The following CDH18 variants were observed in gnomAD, a reference collection of about 807,000 sequenced individuals.
The protein encoded by CDH18 is cadherin-18.
A neutral mutation model predicts 67.9 loss-of-function variants in CDH18; 31 were observed. The observed-to-expected ratio is 0.46, with a 90% CI of 0.34 to 0.62. The LOEUF (loss-of-function observed/expected upper bound fraction) is 0.62, where lower values mean the gene tolerates loss of function less well. Ranked by LOEUF, CDH18 falls within the 20% of genes least tolerant of loss-of-function variation. The pLI is 0.01. For synonymous variants in CDH18, 362 were observed against 347.2 expected (o/e 1.04, Z -0.48); for missense variants, 890 against 975.5 (o/e 0.91, Z 1.17).
chr5:20,544,843 C>A (rs942514690), intron 1 of CDH18, among the ~76,000 whole-genome samples: 1 of 152,140 alleles, frequency 6.6e-6, no homozygotes, highest in Non-Finnish European at 1.5e-5. Flanking sequence ...CAACAGTCAC[C>A]CAAAGACTTA....
chr5:20,055,649 T>TA lies in CDH18; in HGVS notation c.-517-63636_-517-63635insT, dbSNP rs2150498367. ...CTGGCTTTCAGGAAACTCTGCTTTA[T>TA]TTTTAGCTACTGTTGTTTCAGAGAT... is the stretch of plus-strand genomic sequence containing the variant. On this transcript the variant is annotated intron_variant, in intron 2 of 14. Coordinates refer to the CDH18 transcript ENST00000507958. 1.3e-5 allele frequency among the ~76,000 whole-genome samples: 2 copies of TA among 152,326 alleles called. 1 individual carries two copies. Among genetic ancestry groups the TA allele is most frequent in the African/African-American group, 4.8e-5 (2 of 41,596 alleles).
At chr5:19,753,228 A>G (rs1016287698) in intron 3 of CDH18, among the ~76,000 whole-genome samples, 1 of 152,160 alleles carries the variant, frequency 6.6e-6, no homozygotes, top group Non-Finnish European at 1.5e-5. Flanking sequence ...TATTAATCTA[A>G]TCATGGAGGC....
intron 2 of CDH18, among the ~76,000 whole-genome samples, chr5:20,082,968 C>A (rs1308467993): frequency 6.6e-6 from 1 of 152,138 alleles, no homozygotes; most frequent in East Asian, 1.9e-4. Flanking sequence ...TATTCGTGAT[C>A]CAAATTTTAA....
At chr5:20,041,054 G>A (rs183139564) in intron 2 of CDH18, among the ~76,000 whole-genome samples, 3 of 152,142 alleles carry the variant, frequency 2.0e-5, no homozygotes, top group Non-Finnish European at 4.4e-5. Flanking sequence ...GTGAGGTATG[G>A]AGAAGTTAAA....
chr5:19,904,672 CT>C (rs1313539635), intron 2 of CDH18, among the ~76,000 whole-genome samples: 1 of 152,114 alleles, frequency 6.6e-6, no homozygotes, highest in Non-Finnish European at 1.5e-5. Flanking sequence ...TTGGTGATAG[CT>C]TTTCTCATCT....
At chr5:20,141,292 G>A (rs1212984932) in intron 2 of CDH18, among the ~76,000 whole-genome samples, 2 of 152,102 alleles carry the variant, frequency 1.3e-5, no homozygotes, top group Admixed American at 6.6e-5. Flanking sequence ...ATGATGCTGC[G>A]AGGAGAGACA....
intron 1 of CDH18, among the ~76,000 whole-genome samples, chr5:20,510,246 C>T (rs980818245): frequency 6.6e-6 from 1 of 152,054 alleles, no homozygotes; most frequent in African/African-American, 2.4e-5. Context: ...GGTTATTTGT[C>T]TCAGTGTTAT....
intron 10 of CDH18, among the ~76,000 whole-genome samples, chr5:19,511,166 T>C (rs1049021510): frequency 3.3e-5 from 5 of 152,116 alleles, no homozygotes; most frequent in African/African-American, 9.7e-5. Context: ...TTCTCTTTCA[T>C]GCAGGCTTCT....
At chr5:20,479,314 A>C (rs1263990793) in intron 1 of CDH18, among the ~76,000 whole-genome samples, 2 of 152,160 alleles carry the variant, frequency 1.3e-5, no homozygotes, top group East Asian at 3.9e-4. Context: ...GAGATATATG[A>C]AATTTCTGAC....
chr5:19,647,370 C>CA (rs5866389), intron 5 of CDH18, among the ~76,000 whole-genome samples: 130 of 147,658 alleles, frequency 8.8e-4, no homozygotes, highest in African/African-American at 2.8e-3. Context: ...AAAATAACAA[C>CA]AAAAAAAAAA....
chr5:19,544,017 A>C lies in CDH18; in HGVS notation c.1254-12T>G, dbSNP rs755167982. ...AGTTGATGAAGTATCTAGAGAAAAA[A>C]AGAGAAGTTTTTACTTGATGTTATA... On this transcript the variant is annotated splice_polypyrimidine_tract_variant and intron_variant, in intron 8 of 12. Coordinates refer to ENST00000382275, the MANE Select transcript of CDH18 (RefSeq NM_004934.5). 4.2e-5 allele frequency: 63 copies of C among 1,504,978 alleles called. No homozygotes were observed. The African/African-American group carries it at 8.2e-4, about 20-fold the overall frequency. 93.2% of individuals were successfully genotyped at this position (1,504,978 alleles called of 1,614,324 possible).
intron 2 of CDH18, among the ~76,000 whole-genome samples, chr5:20,177,628 G>A (rs200781229): frequency 2.6e-4 from 40 of 152,106 alleles, no homozygotes; most frequent in African/African-American, 9.2e-4. Flanking sequence ...GTTTGAGTTG[G>A]TAGACTGAGC....
chr5:20,476,471 T>C (rs908569458), intron 1 of CDH18, among the ~76,000 whole-genome samples: 3 of 152,146 alleles, frequency 2.0e-5, no homozygotes, highest in African/African-American at 7.2e-5. Context: ...AAGTTTAGAG[T>C]TGAATTTCTT....
At chr5:19,848,415 G>C (rs539415146) in intron 2 of CDH18, among the ~76,000 whole-genome samples, 1 of 152,166 alleles carries the variant, frequency 6.6e-6, no homozygotes, top group East Asian at 1.9e-4. Flanking sequence ...GATTCAGTTA[G>C]TTTCACACTC....
chr5:20,284,990 T>A (rs965045225), intron 1 of CDH18, among the ~76,000 whole-genome samples: 1 of 151,808 alleles, frequency 6.6e-6, no homozygotes, highest in Non-Finnish European at 1.5e-5. Flanking sequence ...TATATTTTAT[T>A]TTATGTTTAA....
At chr5:19,573,879 A>G (rs1038774257) in intron 7 of CDH18, among the ~76,000 whole-genome samples, 21 of 152,138 alleles carry the variant, frequency 1.4e-4, no homozygotes, top group African/African-American at 5.1e-4. Context: ...TAATTTTTGG[A>G]GTTAACTTGC....
intron 4 of CDH18, among the ~76,000 whole-genome samples, chr5:19,730,465 T>G (rs988052214): frequency 2.0e-5 from 3 of 152,214 alleles, no homozygotes; most frequent in Non-Finnish European, 2.9e-5. Context: ...ATTTCAGATT[T>G]CAGATTCTTT....
intron 2 of CDH18, among the ~76,000 whole-genome samples, chr5:20,069,239 T>C (rs1173839916): frequency 6.6e-6 from 1 of 152,028 alleles, no homozygotes; most frequent in Non-Finnish European, 1.5e-5. Context: ...TGGTACTTGC[T>C]ATGCTTTCTA....
intron 1 of CDH18, among the ~76,000 whole-genome samples, chr5:20,567,225 T>C (rs887518605): frequency 6.6e-6 from 1 of 152,186 alleles, no homozygotes; most frequent in Non-Finnish European, 1.5e-5. Flanking sequence ...TCCCTAGGGC[T>C]GGGAGAACAA....
Sources: gnomAD v4.1 joint callset for allele counts (sites outside exome capture counted in the v4.1 genomes callset) on GRCh38, gnomAD v4.1.1 for gene constraint, MANE v1.5 for transcripts, NCBI Gene and HGNC (gene_info 2026-07-23, HGNC 2026-07-21) for gene names.